LYPD8: variants seen among roughly 807,000 people sequenced by gnomAD.
The protein encoded by LYPD8 is LY6/PLAUR domain containing 8, also known as ly6/PLAUR domain-containing protein 8.
Under a neutral mutation model 1.7 loss-of-function variants are expected in LYPD8, and 8 were observed. The ratio of observed to expected loss-of-function variants is 4.58; its 90% confidence interval spans 2.69 to 8.27. The LOEUF (loss-of-function observed/expected upper bound fraction) is 8.27, where lower values mean the gene tolerates loss of function less well. Ranked by LOEUF, LYPD8 falls within the 30% of genes most tolerant of loss-of-function variation. The probability of loss-of-function intolerance (pLI) is 0.00; values close to 1 mark genes in which losing one functional copy is unlikely to be tolerated. For missense variants in LYPD8, 112 were observed against 102.3 expected (o/e 1.09, Z -0.41); for synonymous variants, 50 against 43.6 (o/e 1.15, Z -0.58).
chr1:248,739,867 A>G lies in LYPD8; in HGVS notation c.476-18T>C, dbSNP rs1553283114. ...CTCAATGTCTGTGAATGCAAAGGAG[A>G]CAGGAGGGACGCCACTCAGTCCTTT... On this transcript the variant is annotated intron_variant, in intron 6 of 6. Coordinates refer to ENST00000590317, the MANE Select transcript of LYPD8 (RefSeq NM_001085474.2). This position sits in a 1 kb window ranked among gnomAD's most constrained non-coding sequence, Gnocchi z 4.3. 6.4e-7 allele frequency: 1 copy of G among 1,551,462 alleles called. No homozygotes were observed. Among genetic ancestry groups the G allele is most frequent in the Non-Finnish European group, 8.7e-7 (1 of 1,146,930 alleles).
chr1:248,744,942 A>C (rs1662705333), intron 6 of LYPD8, among the ~76,000 whole-genome samples, 200 bp downstream of exon 6: 1 of 152,198 alleles, frequency 6.6e-6, no homozygotes, highest in Non-Finnish European at 1.5e-5. Flanking sequence ...CCCAGGAGAA[A>C]CAGCTCTGCT....
intron 2 of LYPD8, among the ~76,000 whole-genome samples, chr1:248,753,390 A>C (rs1318962125): frequency 1.1e-3 from 97 of 92,066 alleles, no homozygotes; most frequent in African/African-American, 3.6e-3. Flanking sequence ...ACCACACACA[A>C]CACATACACA....
rs1394290583 is a variant in LYPD8 at position 248,739,641 on chromosome 1, G to C, written c.684C>G (p.Ala228=). ...SKASLYLLAL[A]SLLLRGLLP The stretch of plus-strand genomic sequence containing the variant: ...GCAGCAGTCCCCGAAGAAGGAGGCT[G>C]GCAAGGGCCAAGAGGTAGAGGGAAG... The change falls in exon 7 of 7, where the codon GCC becomes GCG. Residue 228 remains alanine (A), a synonymous_variant. Coordinates refer to ENST00000590317, the MANE Select transcript of LYPD8 (RefSeq NM_001085474.2). This position sits in a 1 kb window ranked among gnomAD's most constrained non-coding sequence, Gnocchi z 4.3. 1 of 1,551,706 alleles carries C rather than the reference G, an allele frequency of 6.4e-7. No individual in the cohort carries two copies. The highest frequency in any genetic ancestry group is 2.0e-5 in the Admixed American group (1 of 50,994).
At chr1:248,746,580 G>T (rs1662729870) in intron 5 of LYPD8, among the ~76,000 whole-genome samples, 1 of 150,130 alleles carries the variant, frequency 6.7e-6, no homozygotes, top group Non-Finnish European at 1.5e-5. Flanking sequence ...CCCACCCAGG[G>T]CATCGCCCGC....
intron 4 of LYPD8, among the ~76,000 whole-genome samples, chr1:248,749,342 A>C (rs1662759518): frequency 6.6e-6 from 1 of 152,224 alleles, no homozygotes; most frequent in Admixed American, 6.5e-5. Flanking sequence ...GATGGCCTGG[A>C]TATTAGAAGA....
At chr1:248,753,869 AC>A (rs1247860163) in intron 2 of LYPD8, among the ~76,000 whole-genome samples, 3 of 149,582 alleles carry the variant, frequency 2.0e-5, no homozygotes, top group South Asian at 2.1e-4. Flanking sequence ...TACACCACAC[AC>A]CCCATGCATC....
At chr1:248,752,763 A>T (rs1662827810) in intron 2 of LYPD8, among the ~76,000 whole-genome samples, 1 of 103,764 alleles carries the variant, frequency 9.6e-6, no homozygotes, top group South Asian at 3.3e-4. Context: ...CACACACACC[A>T]CACACCCCAC....
chr1:248,753,450 AAC>A (rs1662865972), intron 2 of LYPD8, among the ~76,000 whole-genome samples: 1 of 118,562 alleles, frequency 8.4e-6, no homozygotes, highest in South Asian at 2.8e-4. Context: ...CAACACACAC[AAC>A]ACACACCCCA....
At chr1:248,755,570 G>T in intron 1 of LYPD8, 135 bp downstream of exon 1, 1 of 152,420 alleles carries the variant, frequency 6.6e-6, no homozygotes, top group Non-Finnish European at 1.5e-5. Context: ...CGACTGCCTA[G>T]GGCAATGCCA....
intron 5 of LYPD8, among the ~76,000 whole-genome samples, chr1:248,745,666 A>T (rs1662717384): frequency 1.3e-5 from 2 of 152,216 alleles, no homozygotes; most frequent in South Asian, 2.1e-4. Flanking sequence ...ACTATTTAAC[A>T]TTATGACTAG....
chr1:248,753,042 ACACATC>A (rs1662845458), intron 2 of LYPD8, among the ~76,000 whole-genome samples: 1 of 88,050 alleles, frequency 1.1e-5, no homozygotes, highest in Admixed American at 1.2e-4. Flanking sequence ...CACACCACAC[ACACATC>A]ACACACACAC....
chr1:248,749,693 A>G (rs1368052486), intron 4 of LYPD8, among the ~76,000 whole-genome samples: 1 of 152,034 alleles, frequency 6.6e-6, no homozygotes, highest in Non-Finnish European at 1.5e-5. Context: ...GAATGGTCCC[A>G]CCTCTTAATA....
intron 5 of LYPD8, 107 bp downstream of exon 5, chr1:248,748,182 C>T (rs1328720061): frequency 2.4e-5 from 5 of 209,158 alleles, no homozygotes; most frequent in African/African-American, 6.8e-5. Flanking sequence ...ATCGCCCGCA[C>T]GGCCAGCACC....
chr1:248,749,868 C>T, intron 4 of LYPD8, among the ~76,000 whole-genome samples: 1 of 151,284 alleles, frequency 6.6e-6, no homozygotes, highest in South Asian at 2.1e-4. Context: ...TATGTGTGTA[C>T]ATGTATATTT....
intron 5 of LYPD8, 112 bp from the exon 6 acceptor site, chr1:248,745,391 T>A (rs1029112628): frequency 9.1e-5 from 36 of 395,050 alleles, no homozygotes; most frequent in African/African-American, 6.8e-4. Context: ...AGCAATGACA[T>A]CCTTGGGAAT....
At chr1:248,742,892 C>T (rs1464471027) in intron 6 of LYPD8, among the ~76,000 whole-genome samples, 32 of 75,936 alleles carry the variant, frequency 4.2e-4, no homozygotes, top group African/African-American at 1.6e-3. Context: ...GGGTAGATTA[C>T]GCTCTGGTGG....
intron 4 of LYPD8, among the ~76,000 whole-genome samples, chr1:248,749,657 G>A (rs987597737): frequency 3.9e-5 from 6 of 152,020 alleles, no homozygotes; most frequent in East Asian, 3.9e-4. Context: ...TCACAAGGGC[G>A]GAGTCCTCAC....
intron 2 of LYPD8, among the ~76,000 whole-genome samples, chr1:248,753,318 CACACA>C (rs1357730047): frequency 4.1e-5 from 5 of 122,628 alleles, no homozygotes; most frequent in East Asian, 2.9e-4. Context: ...CCCCACACAA[CACACA>C]ACACATCACA....
intron 2 of LYPD8, among the ~76,000 whole-genome samples, chr1:248,752,083 G>A (rs1022033533): frequency 6.6e-6 from 1 of 152,038 alleles, no homozygotes; most frequent in Non-Finnish European, 1.5e-5. Context: ...CCTATACACG[G>A]TCGCTGTGAG....
Sources: gnomAD v4.1 joint callset for allele counts (sites outside exome capture counted in the v4.1 genomes callset) on GRCh38, gnomAD v4.1.1 for gene constraint, Gnocchi (gnomAD v3.1) non-coding constraint, MANE v1.5 for transcripts, NCBI Gene and HGNC (gene_info 2026-07-23, HGNC 2026-07-21) for gene names.